PRKCB: variants seen among roughly 807,000 people sequenced by gnomAD.
PRKCB encodes protein kinase C beta type.
Under a neutral mutation model 81.5 loss-of-function variants are expected in PRKCB, and 13 were observed. The observed-to-expected ratio is 0.16, with a 90% CI of 0.10 to 0.25. The LOEUF is 0.25. Ranked by LOEUF, PRKCB falls within the 10% of genes least tolerant of loss-of-function variation. PRKCB has a pLI of 1.00. For missense variants in PRKCB, 509 were observed against 875.7 expected (o/e 0.58, Z 5.29); for synonymous variants, 335 against 321.4 (o/e 1.04, Z -0.45).
At chr16:23,856,546 C>T (rs562157883) in intron 2 of PRKCB, among the ~76,000 whole-genome samples, 1 of 146,024 alleles carries the variant, frequency 6.8e-6, no homozygotes, top group Non-Finnish European at 1.5e-5. Context: ...TTTTTTGAGA[C>T]AGGGTCTTTG....
intron 2 of PRKCB, among the ~76,000 whole-genome samples, chr16:23,901,636 T>C (rs1165509012): frequency 6.6e-6 from 1 of 152,194 alleles, no homozygotes; most frequent in Non-Finnish European, 1.5e-5. Flanking sequence ...GGGTTAATTC[T>C]ACCAGGCCTG....
In PRKCB at chr16:24,220,157, A is replaced by G. The variant is rs1203989943; in HGVS notation, c.*5341A>G. 3.1e-6 allele frequency: 5 copies of G among 1,607,546 alleles called. No homozygotes were observed. The highest frequency in any genetic ancestry group is 3.4e-6 in the Non-Finnish European group (4 of 1,175,196). ...GTTGAGCCTGGGGTGTAAGACTTCA[A>G]GCCAAGCGTATGTATCAATTCTAGT... On this transcript the variant is annotated 3_prime_UTR_variant, in exon 17 of 17. Coordinates refer to ENST00000643927, the MANE Select transcript of PRKCB (RefSeq NM_002738.7).
intron 2 of PRKCB, among the ~76,000 whole-genome samples, chr16:23,899,987 A>G (rs1197010528): frequency 6.6e-6 from 1 of 152,134 alleles, no homozygotes; most frequent in Non-Finnish European, 1.5e-5. Flanking sequence ...AGAGAAGGAA[A>G]TAAGGAAGAC....
At position 24,051,331 on chromosome 16, in the gene PRKCB, A is replaced by G. The variant is rs137942481; in HGVS notation, c.529+15784A>G. The stretch of plus-strand genomic sequence containing the variant: ...AATGATCTCAGCAGACTCTGGGTGT[A>G]GAGGCTGTCTCTCTAGTTGCCTGGT... On this transcript the variant is annotated intron_variant, in intron 5 of 16. Coordinates refer to ENST00000643927, the MANE Select transcript of PRKCB (RefSeq NM_002738.7). 4.1e-3 allele frequency among the ~76,000 whole-genome samples: 627 copies of G among 152,296 alleles called. 1 individual carries two copies. Among genetic ancestry groups the G allele is most frequent in the African/African-American group, 0.014 (581 of 41,560 alleles).
intron 2 of PRKCB, among the ~76,000 whole-genome samples, chr16:23,902,887 T>G (rs1005587316): frequency 6.7e-6 from 1 of 149,936 alleles, no homozygotes; most frequent in African/African-American, 2.5e-5. Context: ...CACTGTAACC[T>G]TGAACTACTG....
At chr16:23,965,256 G>T (rs905854052) in intron 2 of PRKCB, among the ~76,000 whole-genome samples, 1 of 152,204 alleles carries the variant, frequency 6.6e-6, no homozygotes, top group African/African-American at 2.4e-5. Context: ...TTGGTTTTCT[G>T]TTCCTGTATT....
chr16:24,009,303 C>T (rs968670571), intron 3 of PRKCB, among the ~76,000 whole-genome samples: 6 of 151,906 alleles, frequency 3.9e-5, no homozygotes, highest in South Asian at 2.1e-4. Context: ...GGCAGTTGTC[C>T]GAGGAAGACA....
Position 24,191,229 on chromosome 16 carries a change from C to T in PRKCB, c.1862C>T (p.Ala621Val). Residue 621 changes from alanine to valine, a missense_variant and splice_region_variant, in exon 16 of 17, where the codon GCT (alanine) becomes GTT (valine). Around this residue, in one of 6 missense-constraint regions of PRKCB, gnomAD observed 104 missense variants for 160.5 expected, o/e 0.65. Coordinates refer to ENST00000643927, the MANE Select transcript of PRKCB (RefSeq NM_002738.7). ...ATCCAGCCCCCTTATAAGCCAAAAGCTGTAAGTAGCCCATTCTCTCTGACT... is the reference window on the plus strand; with the variant it reads ...ATCCAGCCCCCTTATAAGCCAAAAGTTGTAAGTAGCCCATTCTCTCTGACT... Reference protein sequence around the residue: ...KEIQPPYKPKACGRNAENFDR... With the variant: ...KEIQPPYKPKVCGRNAENFDR... 1.9e-6 allele frequency: 3 copies of T among 1,614,028 alleles called. No homozygotes were observed. Among genetic ancestry groups the T allele is most frequent in the Non-Finnish European group, 2.5e-6 (3 of 1,179,920 alleles).
At chr16:23,870,020 T>TG (rs778357568) in intron 2 of PRKCB, among the ~76,000 whole-genome samples, 90 of 94,274 alleles carry the variant, frequency 9.5e-4, no homozygotes, top group South Asian at 3.7e-3. Context: ...AGACTCCATC[T>TG]GAAAAAAAAA....
At chr16:24,003,232 C>T (rs182426193) in intron 3 of PRKCB, among the ~76,000 whole-genome samples, 49 of 152,238 alleles carry the variant, frequency 3.2e-4, no homozygotes, top group Non-Finnish European at 5.7e-4. Flanking sequence ...TTTAGTATGC[C>T]ATCTGTTTCC....
chr16:24,180,206 GT>G (rs1967597279), intron 12 of PRKCB, among the ~76,000 whole-genome samples: 1 of 152,148 alleles, frequency 6.6e-6, no homozygotes, highest in Non-Finnish European at 1.5e-5. Flanking sequence ...GCCTCCCGAA[GT>G]GCTGGAATCG....
At chr16:23,849,516 G>T (rs12443784) in intron 2 of PRKCB, among the ~76,000 whole-genome samples, 12 of 152,040 alleles carry the variant, frequency 7.9e-5, no homozygotes, top group African/African-American at 2.9e-4. Context: ...ATGTGTATGT[G>T]TGGATTTTTT....
chr16:23,917,243 C>G (rs180726081), intron 2 of PRKCB, among the ~76,000 whole-genome samples: 3 of 152,018 alleles, frequency 2.0e-5, no homozygotes, highest in Non-Finnish European at 4.4e-5. Flanking sequence ...CTACCACACC[C>G]GGCTAATTTT....
At chr16:23,881,253 G>GTTTT (rs35846626) in intron 2 of PRKCB, among the ~76,000 whole-genome samples, 36 of 136,390 alleles carry the variant, frequency 2.6e-4, no homozygotes, top group African/African-American at 6.3e-4. Context: ...TCTTTTCCCA[G>GTTTT]TTTTTTTTTT....
chr16:23,863,241 C>CATATATATGTGT (rs1962712333), intron 2 of PRKCB, among the ~76,000 whole-genome samples: 5 of 84,506 alleles, frequency 5.9e-5, no homozygotes, highest in Admixed American at 4.3e-4. Flanking sequence ...TATATATATA[C>CATATATATGTGT]ATATATATAC....
chr16:24,121,278 G>T (rs1046554343), intron 8 of PRKCB, among the ~76,000 whole-genome samples: 1 of 152,192 alleles, frequency 6.6e-6, no homozygotes, highest in Non-Finnish European at 1.5e-5. Context: ...TAGAATGCAC[G>T]TTTTTTCAGA....
chr16:23,847,012 G>T (rs1157334428), intron 2 of PRKCB, among the ~76,000 whole-genome samples: 1 of 152,044 alleles, frequency 6.6e-6, no homozygotes, highest in Non-Finnish European at 1.5e-5. Context: ...GTCAGGAGGA[G>T]AACTCAAACC....
chr16:24,176,029 G>A (rs1225061090), intron 12 of PRKCB, among the ~76,000 whole-genome samples: 1 of 150,060 alleles, frequency 6.7e-6, no homozygotes, highest in Non-Finnish European at 1.5e-5. Flanking sequence ...GTACAAGGCA[G>A]ATAGCGGAGG....
rs1212723301 is a variant in PRKCB at position 23,934,811 on chromosome 16, G to A, written c.206-53697G>A. Reference sequence around the variant, plus strand: ...TTTTCCAGTTGAGGCCCTTGGGGTTGTGGGTGGGGAGGAAAGAGGAGGAGG... The same window carrying A: ...TTTTCCAGTTGAGGCCCTTGGGGTTATGGGTGGGGAGGAAAGAGGAGGAGG... On this transcript the variant is annotated intron_variant, in intron 2 of 16. Transcript: ENST00000643927. Among the ~76,000 whole-genome samples, 3 of 152,136 alleles carry A rather than the reference G, an allele frequency of 2.0e-5. No homozygotes were observed. In the East Asian group the frequency reaches 5.8e-4, roughly 29 times the overall value.
Sources: gnomAD v4.1 joint callset for allele counts (sites outside exome capture counted in the v4.1 genomes callset) on GRCh38, gnomAD v4.1.1 for gene constraint, gnomAD v4.1.1 regional missense constraint, MANE v1.5 for transcripts, NCBI Gene and HGNC (gene_info 2026-07-23, HGNC 2026-07-21) for gene names.